The following FANCD2 variants were observed in gnomAD, a reference collection of about 807,000 sequenced individuals.
FANCD2 encodes Fanconi anemia group D2 protein.
In FANCD2, 131 loss-of-function variants were observed where a neutral mutation model predicts 192.3. That is an observed-to-expected ratio of 0.68 (90% CI 0.59 to 0.79). The LOEUF is 0.79. Among genes scored for constraint, FANCD2 ranks in the 30% least tolerant of loss-of-function variants. The pLI is 0.00. For synonymous variants in FANCD2, 524 were observed against 612.5 expected, an observed-to-expected ratio of 0.86 and a Z score of 2.13; for missense variants, 1,508 against 1,701.6, an observed-to-expected ratio of 0.89 and a Z score of 2.00.
At chr3:10,051,580 T>C (rs1470697555) in intron 17 of FANCD2, among the ~76,000 whole-genome samples, 1 of 151,702 alleles carries the variant, frequency 6.6e-6, no homozygotes, top group Non-Finnish European at 1.5e-5. Flanking sequence ...ACTTGGGGAA[T>C]AGAGTCAATG....
chr3:10,039,896 T>C lies in FANCD2; in HGVS notation c.695+51T>C, dbSNP rs774040846. On this transcript the variant is annotated intron_variant, in intron 9 of 43. Transcript: ENST00000675286. ...AAGTGAGGCTCAGCTATGGGGGTTCTATCACTGCAGTATGCAAAGAGCAGT... is the reference window on the plus strand; with the variant it reads ...AAGTGAGGCTCAGCTATGGGGGTTCCATCACTGCAGTATGCAAAGAGCAGT... 5 of 1,610,786 alleles carry C rather than the reference T, an allele frequency of 3.1e-6. No individual in the cohort carries two copies. In the East Asian group the frequency reaches 1.1e-4, roughly 36 times the overall value.
chr3:10,036,082 A>ATTTTTTTTTTTTTTTTT (rs781686867), intron 6 of FANCD2, among the ~76,000 whole-genome samples: 9 of 103,870 alleles, frequency 8.7e-5, no homozygotes, highest in African/African-American at 4.1e-4. Context: ...AGAATTATAC[A>ATTTTTTTTTTTTTTTTT]TTTCTTTTTT....
intron 26 of FANCD2, among the ~76,000 whole-genome samples, chr3:10,070,421 TG>T (rs1693149069): frequency 9.9e-6 from 1 of 100,638 alleles, no homozygotes; most frequent in Non-Finnish European, 2.1e-5. Context: ...GTCCGGGAGG[TG>T]AGGGGCGCCT....
intron 2 of FANCD2, among the ~76,000 whole-genome samples, chr3:10,032,607 G>C (rs1422998258): frequency 6.6e-6 from 1 of 152,106 alleles, no homozygotes; most frequent in Non-Finnish European, 1.5e-5. Flanking sequence ...TGCCTGGCCA[G>C]AAATGGCACA....
rs1440408496 is a variant in FANCD2, at chr3:10,074,608, G to A, written c.2794G>A (p.Val932Ile). The change falls in exon 29 of 44, where the codon GTC (valine) becomes ATC (isoleucine). Residue 932 changes from valine (V) to isoleucine (I), a missense_variant. Transcript: ENST00000675286. The part of the protein sequence containing the change: ...HAFFRELDIE[V>I]FSILHCGLVT... ...TTTTTTCCGAGAGCTGGACATTGAG[G>A]TCTTCTCTATTCTACATTGTGGACT... The A allele has an allele frequency of 1.9e-6, 3 of 1,613,374 alleles. No individual in the cohort carries two copies. The highest frequency in any genetic ancestry group is 1.3e-5 in the African/African-American group (1 of 74,840).
chr3:10,054,243 G>T (rs1330268882), intron 18 of FANCD2, among the ~76,000 whole-genome samples: 2 of 149,522 alleles, frequency 1.3e-5, no homozygotes, highest in Non-Finnish European at 3.0e-5. Context: ...AAAACGAAGA[G>T]ATTAGATTGG....
chr3:10,035,285 A>G (rs2086700915), intron 6 of FANCD2, 52 bp downstream of exon 6: 1 of 1,488,460 alleles, frequency 6.7e-7, no homozygotes, highest in Non-Finnish European at 9.4e-7. Flanking sequence ...TTTGTGGTGT[A>G]TGCTCAAGTC....
At chr3:10,027,779 C>T (rs2086490128) in intron 1 of FANCD2, among the ~76,000 whole-genome samples, 1 of 151,868 alleles carries the variant, frequency 6.6e-6, no homozygotes, top group Non-Finnish European at 1.5e-5. Flanking sequence ...GTGGCGGGCG[C>T]CTGTAGTCCC....
chr3:10,064,723 C>T lies in FANCD2; in HGVS notation c.2022-6C>T, dbSNP rs2125034948. On this transcript the variant is annotated splice_region_variant and splice_polypyrimidine_tract_variant and intron_variant, in intron 22 of 43. Coordinates refer to ENST00000675286, the MANE Select transcript of FANCD2 (RefSeq NM_001018115.3). ...TGCAACATCAGATTCTGGTTTTTCT[C>T]CGCAGTGACTTTCCATTTCCTGTGA... is the stretch of plus-strand genomic sequence containing the variant. 1 of 1,614,084 alleles carries T rather than the reference C, an allele frequency of 6.2e-7. No homozygotes were observed. Among genetic ancestry groups the T allele is most frequent in the Non-Finnish European group, 8.5e-7 (1 of 1,179,976 alleles).
At chr3:10,084,362 G>C (rs1035328449) in intron 32 of FANCD2, among the ~76,000 whole-genome samples, 33 of 150,308 alleles carry the variant, frequency 2.2e-4, no homozygotes, top group African/African-American at 7.1e-4. Flanking sequence ...CACAATCACA[G>C]CTCACTGCAA....
chr3:10,076,700 C>T (rs1693562268), intron 29 of FANCD2, among the ~76,000 whole-genome samples: 1 of 152,066 alleles, frequency 6.6e-6, no homozygotes, highest in Admixed American at 6.6e-5. Context: ...CTGGCATGCC[C>T]CACTACACCC....
At chr3:10,036,048 A>G (rs977571789) in intron 6 of FANCD2, among the ~76,000 whole-genome samples, 1 of 145,598 alleles carries the variant, frequency 6.9e-6, no homozygotes, top group African/African-American at 2.6e-5. Flanking sequence ...CAAAGTGTTT[A>G]TTCCAGGAGC....
rs1161436825 is a variant in FANCD2, at chr3:10,040,497, T to A, written c.695+652T>A. On this transcript the variant is annotated intron_variant, in intron 9 of 43. Transcript: ENST00000675286. The stretch of plus-strand genomic sequence containing the variant: ...ACCCTGGCTGCACATTAAAATCATT[T>A]GTGGAGCCTATTAAACATCTACCTT... 8 of 456,590 alleles carry A rather than the reference T, an allele frequency of 1.8e-5. No homozygotes were observed. In the East Asian group the frequency reaches 5.6e-4, roughly 32 times the overall value. 28.3% of individuals were successfully genotyped at this position (456,590 alleles called of 1,614,324 possible). A position where few individuals can be genotyped will look rare whatever the true frequency, so the allele number is the denominator to read the frequency against.
chr3:10,059,685 A>G (rs1425362636), intron 18 of FANCD2, among the ~76,000 whole-genome samples: 1 of 152,086 alleles, frequency 6.6e-6, no homozygotes, highest in Non-Finnish European at 1.5e-5. Context: ...GGGCACCTGT[A>G]GTCCCAGCTA....
intron 18 of FANCD2, chr3:10,058,354 C>T (rs903149974): frequency 6.5e-6 from 1 of 152,894 alleles, no homozygotes. Context: ...GACCCACTCT[C>T]TATCAATTTT....
chr3:10,065,929 C>G lies in FANCD2; in HGVS notation c.2335C>G (p.Arg779Gly). Reference protein sequence around the residue: ...EKLESMSAKERSFMCSLIFLT... With the variant: ...EKLESMSAKEGSFMCSLIFLT... The stretch of plus-strand genomic sequence containing the variant: ...GTTGGAGTCCATGTCTGCTAAAGAG[C>G]GTTCATTCATGTGTTCTCTCATATT... The change falls in exon 25 of 44, where the codon CGT becomes GGT. Residue 779 changes from arginine to glycine, a missense_variant. Physicochemically the swap from Arg to Gly is moderately radical, Grantham distance 125. Transcript: ENST00000675286. The G allele has an allele frequency of 2.5e-6, 4 of 1,613,496 alleles. No homozygotes were observed. Among genetic ancestry groups the G allele is most frequent in the Non-Finnish European group, 3.4e-6 (4 of 1,179,482 alleles).
In FANCD2 at chr3:10,065,419, C is replaced by A. The variant is rs1285220443; in HGVS notation, c.2194C>A (p.Pro732Thr). 6.2e-7 allele frequency: 1 copy of A among 1,613,780 alleles called. No individual in the cohort carries two copies. The highest frequency in any genetic ancestry group is 8.5e-7 in the Non-Finnish European group (1 of 1,179,794). ...ATTGGTGTCTCCGCTGTGCCTGGCT[C>A]CGTATTTCCGGTTACTGAGACTTTG... ...QKLVSPLCLA[P>T]YFRLLRLCVE... The change falls in exon 24 of 44, where the codon CCG (proline) becomes ACG (threonine). Residue 732 changes from proline to threonine, a missense_variant. Transcript: ENST00000675286.
Position 10,089,630 on chromosome 3 carries a change from C to T in FANCD2, c.3684-662C>T, listed in dbSNP as rs186020617. Among the ~76,000 whole-genome samples the T allele has an allele frequency of 3.0e-4, 46 of 152,178 alleles. 1 individual carries two copies. The highest frequency in any genetic ancestry group is 2.4e-3 in the Admixed American group (36 of 15,286). ...GATTATAGGCACCCACCACCACACC[C>T]GGCTAATTTTTGTATTTTTAGTAGA... On this transcript the variant is annotated intron_variant, in intron 36 of 43. Coordinates refer to ENST00000675286, the MANE Select transcript of FANCD2 (RefSeq NM_001018115.3).
chr3:10,047,657 G>A lies in FANCD2; in HGVS notation c.1279-260G>A, dbSNP rs557736250. Among the ~76,000 whole-genome samples the A allele has an allele frequency of 4.6e-5, 7 of 152,404 alleles. No homozygotes were observed. The East Asian group carries it at 1.2e-3, about 25-fold the overall frequency. On this transcript the variant is annotated intron_variant, in intron 15 of 43. Transcript: ENST00000675286. ...CTCCAATCCCAAATTGAGCAGATAG[G>A]AATGTTCTATTAGGCTTGTAATTTA...
Sources: allele counts gnomAD v4.1 joint callset (sites outside exome capture counted in the v4.1 genomes callset), GRCh38; gene constraint gnomAD v4.1.1; transcripts MANE v1.5; gene names NCBI Gene and HGNC (gene_info 2026-07-23, HGNC 2026-07-21).